Variants in SYN3 observed in about 807,000 individuals in gnomAD.
The protein encoded by SYN3 is synapsin III, also known as synapsin-3.
A neutral mutation model predicts 65.8 loss-of-function variants in SYN3; 35 were observed. That is an observed-to-expected ratio of 0.53 (90% CI 0.41 to 0.70). The LOEUF is 0.70. Ranked by LOEUF, SYN3 falls within the 30% of genes least tolerant of loss-of-function variation. SYN3 has a pLI of 0.00. For synonymous variants in SYN3, 270 were observed against 292.9 expected, an observed-to-expected ratio of 0.92 and a Z score of 0.80; for missense variants, 680 against 749.0, an observed-to-expected ratio of 0.91 and a Z score of 1.08.
intron 4 of SYN3, among the ~76,000 whole-genome samples, chr22:32,901,508 C>G (rs1009139070): frequency 3.9e-5 from 6 of 152,318 alleles, no homozygotes; most frequent in African/African-American, 1.4e-4. Flanking sequence ...CCTCACTGCA[C>G]AGCTCACAGT....
intron 6 of SYN3, among the ~76,000 whole-genome samples, chr22:32,828,152 T>C (rs1488881485): frequency 6.6e-6 from 1 of 152,242 alleles, no homozygotes; most frequent in East Asian, 1.9e-4. Flanking sequence ...CAGGAAAGAA[T>C]GCCCTTTTGA....
intron 6 of SYN3, among the ~76,000 whole-genome samples, chr22:32,660,051 A>G (rs550715275): frequency 6.6e-6 from 1 of 152,328 alleles, no homozygotes; most frequent in South Asian, 2.1e-4. Flanking sequence ...AGATAGAAAG[A>G]ACCCTTGCTA....
chr22:32,557,274 G>A (rs2058516904), intron 7 of SYN3, among the ~76,000 whole-genome samples: 1 of 152,118 alleles, frequency 6.6e-6, no homozygotes, highest in African/African-American at 2.4e-5. Flanking sequence ...ACACCACAAA[G>A]GGCATGCGGC....
chr22:32,789,996 C>T (rs1411479276), intron 6 of SYN3, among the ~76,000 whole-genome samples: 2 of 152,218 alleles, frequency 1.3e-5, no homozygotes, highest in Non-Finnish European at 2.9e-5. Context: ...TTATTTATTC[C>T]TTGTAACTCT....
chr22:32,584,561 T>C (rs555767918), intron 7 of SYN3, among the ~76,000 whole-genome samples: 16 of 152,324 alleles, frequency 1.1e-4, no homozygotes, highest in Non-Finnish European at 1.3e-4. Flanking sequence ...TTTCAATGTC[T>C]GTCAGTTAAA....
At chr22:32,932,754 C>G (rs1014896562) in intron 3 of SYN3, among the ~76,000 whole-genome samples, 5 of 152,132 alleles carry the variant, frequency 3.3e-5, no homozygotes, top group African/African-American at 1.2e-4. Context: ...TCACTATAAC[C>G]ACCTGTCTTA....
intron 10 of SYN3, among the ~76,000 whole-genome samples, chr22:32,531,396 G>A (rs1053718567): frequency 6.6e-6 from 1 of 151,978 alleles, no homozygotes; most frequent in African/African-American, 2.4e-5. Flanking sequence ...TCTGGTCTCT[G>A]TTTCCTACAT....
At chr22:33,047,700 G>GA (rs893713919) in intron 1 of SYN3, among the ~76,000 whole-genome samples, 4 of 149,140 alleles carry the variant, frequency 2.7e-5, no homozygotes, top group South Asian at 2.1e-4. Flanking sequence ...ATTGAAGAAA[G>GA]AAAAAAAAAA....
intron 7 of SYN3, among the ~76,000 whole-genome samples, chr22:32,581,823 G>A (rs2058950623): frequency 9.1e-6 from 1 of 109,496 alleles, no homozygotes; most frequent in Non-Finnish European, 1.7e-5. Flanking sequence ...TTGAGACAGA[G>A]TCTCACTCTG....
At chr22:32,965,543 C>CGTGTGTGTGTGTGT (rs10602672) in intron 3 of SYN3, among the ~76,000 whole-genome samples, 2 of 147,242 alleles carry the variant, frequency 1.4e-5, no homozygotes, top group African/African-American at 5.1e-5. Flanking sequence ...ATGGTGCGTA[C>CGTGTGTGTGTGTGT]GTGTGTGTGT....
At chr22:32,516,579 G>C (rs2057780654) in intron 13 of SYN3, among the ~76,000 whole-genome samples, 1 of 152,108 alleles carries the variant, frequency 6.6e-6, no homozygotes, top group Non-Finnish European at 1.5e-5. Flanking sequence ...GGCCAGGCTG[G>C]TCTCAAACCC....
chr22:32,784,480 C>A (rs1378383243), intron 6 of SYN3, among the ~76,000 whole-genome samples: 4 of 152,176 alleles, frequency 2.6e-5, no homozygotes, highest in African/African-American at 4.8e-5. Context: ...TGCCATCAAT[C>A]AAGTGAGTGA....
intron 7 of SYN3, among the ~76,000 whole-genome samples, chr22:32,554,904 C>T (rs2058471178): frequency 6.6e-6 from 1 of 152,250 alleles, no homozygotes; most frequent in Non-Finnish European, 1.5e-5. Context: ...TCACTTTCCT[C>T]ATCAACGAAA....
chr22:32,937,840 C>CA (rs137557), intron 3 of SYN3, among the ~76,000 whole-genome samples: 110,083 of 151,294 alleles, frequency 0.73, 40,172 homozygotes, highest in East Asian at 0.96. Flanking sequence ...AAAATACACA[C>CA]AAAAAAAAGC....
At chr22:33,031,824 C>G (rs1184811247) in intron 1 of SYN3, among the ~76,000 whole-genome samples, 1 of 152,092 alleles carries the variant, frequency 6.6e-6, no homozygotes, top group South Asian at 2.1e-4. Flanking sequence ...AAACTGAATT[C>G]CTGGCTGTGA....
intron 6 of SYN3, among the ~76,000 whole-genome samples, chr22:32,646,759 T>C (rs1169800331): frequency 1.3e-5 from 2 of 152,120 alleles, no homozygotes; most frequent in Admixed American, 6.5e-5. Flanking sequence ...TGAGAAACAA[T>C]GAAACAGTGG....
intron 6 of SYN3, among the ~76,000 whole-genome samples, chr22:32,631,088 G>A (rs985455939): frequency 1.1e-4 from 12 of 111,266 alleles, no homozygotes; most frequent in African/African-American, 6.4e-4. Context: ...GAGGTCAGGA[G>A]TTCCGAGACC....
intron 3 of SYN3, among the ~76,000 whole-genome samples, chr22:32,932,761 CTT>C (rs1310068283): frequency 6.6e-6 from 1 of 152,176 alleles, no homozygotes; most frequent in African/African-American, 2.4e-5. Flanking sequence ...AACCACCTGT[CTT>C]AGTCTCCCAA....
At chr22:32,751,842 GCC>G (rs566732597) in intron 6 of SYN3, among the ~76,000 whole-genome samples, 312 of 152,260 alleles carry the variant, frequency 2.0e-3, no homozygotes, top group African/African-American at 7.2e-3. Context: ...GACTGGTGAG[GCC>G]AGAGCTAAAA....
Sources: gnomAD v4.1 joint callset for allele counts (sites outside exome capture counted in the v4.1 genomes callset) on GRCh38, gnomAD v4.1.1 for gene constraint, MANE v1.5 for transcripts, NCBI Gene and HGNC (gene_info 2026-07-23, HGNC 2026-07-21) for gene names.